MAGI1: variants seen among roughly 807,000 people sequenced by gnomAD.
The protein encoded by MAGI1 is membrane-associated guanylate kinase, WW and PDZ domain-containing protein 1.
Under a neutral mutation model 139.9 loss-of-function variants are expected in MAGI1, and 58 were observed. That is an observed-to-expected ratio of 0.41 (90% CI 0.34 to 0.52). MAGI1 has a LOEUF of 0.52. Ranked by LOEUF, MAGI1 falls within the 20% of genes least tolerant of loss-of-function variation. MAGI1 has a pLI of 0.12. For missense variants in MAGI1, 1,874 were observed against 1,901.6 expected, an observed-to-expected ratio of 0.99 and a Z score of 0.27; for synonymous variants, 812 against 737.9, an observed-to-expected ratio of 1.10 and a Z score of -1.63.
intron 10 of MAGI1, among the ~76,000 whole-genome samples, chr3:65,431,225 T>C (rs892097727): frequency 6.6e-6 from 1 of 152,180 alleles, no homozygotes; most frequent in Admixed American, 6.6e-5. Flanking sequence ...AAAATGGAAC[T>C]GGTCTGTTTT....
intron 2 of MAGI1, chr3:65,597,573 T>C: frequency 2.3e-6 from 1 of 432,078 alleles, no homozygotes; most frequent in Non-Finnish European, 4.8e-6. Context: ...GCCGCAGCCA[T>C]CTGGCCCTCC....
At chr3:65,608,304 G>A (rs189517974) in intron 2 of MAGI1, among the ~76,000 whole-genome samples, 2 of 152,226 alleles carry the variant, frequency 1.3e-5, no homozygotes, top group East Asian at 1.9e-4. Context: ...AGCCAGGCAT[G>A]GTGGCAGGTG....
intron 1 of MAGI1, among the ~76,000 whole-genome samples, chr3:65,946,963 C>G (rs901967698): frequency 6.6e-6 from 1 of 152,154 alleles, no homozygotes; most frequent in African/African-American, 2.4e-5. Flanking sequence ...ATGCAAAACT[C>G]TACAACTGAA....
chr3:65,442,384 G>A (rs1031433379), intron 8 of MAGI1, among the ~76,000 whole-genome samples: 1 of 152,112 alleles, frequency 6.6e-6, no homozygotes, highest in Non-Finnish European at 1.5e-5. Flanking sequence ...TAATTGCTAA[G>A]GAGTTCAGAT....
intron 1 of MAGI1, among the ~76,000 whole-genome samples, chr3:65,779,502 G>A (rs1348853318): frequency 6.6e-6 from 1 of 152,214 alleles, no homozygotes; most frequent in Non-Finnish European, 1.5e-5. Flanking sequence ...AAGGAACTGT[G>A]AGATGATTTA....
At chr3:65,984,313 G>T (rs1026853737) in intron 1 of MAGI1, among the ~76,000 whole-genome samples, 3 of 152,032 alleles carry the variant, frequency 2.0e-5, no homozygotes, top group African/African-American at 7.2e-5. Context: ...TAAATAGTGT[G>T]TTGGGTACTA....
chr3:65,628,855 T>C (rs2084127727), intron 1 of MAGI1, among the ~76,000 whole-genome samples: 1 of 152,222 alleles, frequency 6.6e-6, no homozygotes, highest in African/African-American at 2.4e-5. Flanking sequence ...GAGCATTCTA[T>C]TATAGTTTTT....
chr3:65,681,627 A>G (rs551098398), intron 1 of MAGI1, among the ~76,000 whole-genome samples: 43 of 152,220 alleles, frequency 2.8e-4, no homozygotes, highest in Non-Finnish European at 5.4e-4. Context: ...GACCCTCTGC[A>G]CTTCTATTTA....
At position 65,670,813 on chromosome 3, in the gene MAGI1, C is replaced by G. The variant is rs1428331177; in HGVS notation, c.314-48725G>C. ...ACTTATCACTCTTACTAGATATAAA[C>G]AGAAAAATAGCCAAGGTAAACAGGC... On this transcript the variant is annotated intron_variant, in intron 1 of 22. Transcript: ENST00000402939. Among the ~76,000 whole-genome samples, 5 of 152,046 alleles carry G rather than the reference C, an allele frequency of 3.3e-5. No homozygotes were observed. The East Asian group carries it at 5.8e-4, about 18-fold the overall frequency.
intron 1 of MAGI1, among the ~76,000 whole-genome samples, chr3:65,819,875 C>CAAAAAAAAAA (rs3077818): frequency 1.5e-3 from 50 of 33,470 alleles, no homozygotes; most frequent in African/African-American, 3.3e-3. Flanking sequence ...GACTCCATCT[C>CAAAAAAAAAA]AAAAAAAAAA....
At chr3:65,425,444 C>A (rs1431389399) in intron 12 of MAGI1, among the ~76,000 whole-genome samples, 2 of 152,086 alleles carry the variant, frequency 1.3e-5, no homozygotes, top group Non-Finnish European at 2.9e-5. Flanking sequence ...TTCCTCTATA[C>A]AACAATAAGG....
chr3:65,364,386 G>C (rs567337453), intron 20 of MAGI1, among the ~76,000 whole-genome samples: 1 of 152,160 alleles, frequency 6.6e-6, no homozygotes, highest in East Asian at 1.9e-4. Flanking sequence ...ACTATGAGTA[G>C]ATATTGGTTG....
At chr3:65,658,482 T>C (rs1443187967) in intron 1 of MAGI1, among the ~76,000 whole-genome samples, 2 of 152,310 alleles carry the variant, frequency 1.3e-5, no homozygotes, top group African/African-American at 2.4e-5. Context: ...GGTAACCAAA[T>C]TGTAACACTG....
Position 65,693,539 on chromosome 3 carries a change from A to G in MAGI1, c.314-71451T>C, listed in dbSNP as rs549110639. Reference sequence around the variant, plus strand: ...TGAAAAAGTGAGGGAAATGCCCACAATCATAATTTCCTGGAGGAGCTTTAA... The same window carrying G: ...TGAAAAAGTGAGGGAAATGCCCACAGTCATAATTTCCTGGAGGAGCTTTAA... On this transcript the variant is annotated intron_variant, in intron 1 of 22. Transcript: ENST00000402939. Among the ~76,000 whole-genome samples the G allele has an allele frequency of 3.9e-5, 6 of 152,224 alleles. No homozygotes were observed. In the South Asian group the frequency reaches 8.3e-4, roughly 21 times the overall value.
At chr3:65,902,437 T>C (rs578247612) in intron 1 of MAGI1, among the ~76,000 whole-genome samples, 1 of 152,292 alleles carries the variant, frequency 6.6e-6, no homozygotes, top group African/African-American at 2.4e-5. Flanking sequence ...AGACACGGAC[T>C]TGAGAACTTG....
At chr3:65,539,915 C>T (rs1487692934) in intron 2 of MAGI1, among the ~76,000 whole-genome samples, 1 of 152,118 alleles carries the variant, frequency 6.6e-6, no homozygotes, top group Non-Finnish European at 1.5e-5. Flanking sequence ...TGATAGGTTT[C>T]CAGGGGCTTT....
intron 21 of MAGI1, 62 bp from the exon 22 acceptor site, chr3:65,361,399 TATTAAGCA>T: frequency 6.4e-7 from 1 of 1,559,998 alleles, no homozygotes; most frequent in Admixed American, 1.7e-5. Context: ...ACCAAATGTT[TATTAAGCA>T]CGTGGCAGAA....
At chr3:65,592,963 G>A (rs2082034328) in intron 2 of MAGI1, among the ~76,000 whole-genome samples, 1 of 152,070 alleles carries the variant, frequency 6.6e-6, no homozygotes, top group Admixed American at 6.5e-5. Flanking sequence ...ATATTTTGTT[G>A]ATGGGGCTAT....
At chr3:65,437,509 G>C (rs1947937203) in intron 9 of MAGI1, among the ~76,000 whole-genome samples, 1 of 151,558 alleles carries the variant, frequency 6.6e-6, no homozygotes, top group African/African-American at 2.4e-5. Flanking sequence ...AGTGAAGTCA[G>C]TTAAAAAATG....
Sources: gnomAD v4.1 joint callset for allele counts (sites outside exome capture counted in the v4.1 genomes callset) on GRCh38, gnomAD v4.1.1 for gene constraint, MANE v1.5 for transcripts, NCBI Gene and HGNC (gene_info 2026-07-23, HGNC 2026-07-21) for gene names.